NMT2: variants seen among roughly 807,000 people sequenced by gnomAD.
The protein encoded by NMT2 is glycylpeptide N-tetradecanoyltransferase 2.
NMT2 carries 35 observed loss-of-function variants against 65.4 expected under a neutral mutation model. That is an observed-to-expected ratio of 0.54 (90% CI 0.41 to 0.71). The LOEUF (loss-of-function observed/expected upper bound fraction) is 0.71. Among genes scored for constraint, NMT2 ranks in the 30% least tolerant of loss-of-function variants. The pLI is 0.00. For missense variants in NMT2, 489 were observed against 611.3 expected (o/e 0.80, Z 2.11); for synonymous variants, 226 against 231.8 (o/e 0.98, Z 0.23).
chr10:15,109,767 T>A lies in NMT2; in HGVS notation c.1411A>T (p.Ile471Leu). Residue 471 changes from isoleucine (I) to leucine (L), a missense_variant, in exon 11 of 12, where the codon ATA becomes TTA. Coordinates refer to ENST00000378165, the MANE Select transcript of NMT2 (RefSeq NM_004808.3). ...KTFLEKLKFG[I>L]GDGNLQYYLY... is the part of the protein sequence containing the mutation. ...TAATACTGCAAATTGCCATCTCCTA[T>A]ACCAAACTTGAGTTTTTCCAAGAAT... 1.9e-6 allele frequency: 3 copies of A among 1,613,794 alleles called. No homozygotes were observed. Among genetic ancestry groups the A allele is most frequent in the East Asian group, 2.2e-5 (1 of 44,832 alleles).
intron 1 of NMT2, among the ~76,000 whole-genome samples, chr10:15,159,873 C>T (rs1833128691): frequency 6.6e-6 from 1 of 152,156 alleles, no homozygotes; most frequent in Non-Finnish European, 1.5e-5. Flanking sequence ...TGAGGGTCTT[C>T]CCGAGCAGAG....
At chr10:15,134,468 C>T (rs1846401658) in intron 3 of NMT2, among the ~76,000 whole-genome samples, 1 of 152,206 alleles carries the variant, frequency 6.6e-6, no homozygotes, top group Non-Finnish European at 1.5e-5. Flanking sequence ...TCACACGTCA[C>T]TTTCTCCCAG....
intron 1 of NMT2, among the ~76,000 whole-genome samples, chr10:15,150,233 C>CCAACT (rs1444347590): frequency 6.6e-6 from 1 of 152,128 alleles, no homozygotes; most frequent in African/African-American, 2.4e-5. Context: ...GGTGTACTGG[C>CCAACT]CAAAGTTGGT....
At chr10:15,123,692 G>A (rs1845997362) in intron 8 of NMT2, among the ~76,000 whole-genome samples, 1 of 152,150 alleles carries the variant, frequency 6.6e-6, no homozygotes, top group South Asian at 2.1e-4. Context: ...TGTTTTCTGA[G>A]AGTTCAATAA....
intron 7 of NMT2, among the ~76,000 whole-genome samples, chr10:15,129,401 T>G (rs1473935935): frequency 6.6e-6 from 1 of 152,228 alleles, no homozygotes; most frequent in Non-Finnish European, 1.5e-5. Context: ...ATCTGATCAT[T>G]TTCTCACTGG....
chr10:15,125,894 T>C (rs945085679), intron 8 of NMT2, among the ~76,000 whole-genome samples: 1 of 152,070 alleles, frequency 6.6e-6, no homozygotes. Flanking sequence ...CTCGATCTCT[T>C]GACCTTGTGA....
intron 1 of NMT2, among the ~76,000 whole-genome samples, chr10:15,166,395 G>C (rs528779268): frequency 8.8e-4 from 134 of 152,286 alleles, no homozygotes; most frequent in African/African-American, 3.0e-3. Context: ...TGAAGAGGCC[G>C]AGTATAGAAA....
At chr10:15,157,687 CAA>C (rs937810668) in intron 1 of NMT2, among the ~76,000 whole-genome samples, 1 of 152,078 alleles carries the variant, frequency 6.6e-6, no homozygotes, top group Non-Finnish European at 1.5e-5. Context: ...GAACTAGAGA[CAA>C]AAGAGTTCCT....
intron 1 of NMT2, among the ~76,000 whole-genome samples, chr10:15,150,339 A>C (rs144844397): frequency 3.3e-5 from 5 of 152,364 alleles, no homozygotes; most frequent in African/African-American, 1.2e-4. Context: ...GGTTTGAAGA[A>C]GTCACACAAA....
chr10:15,136,589 C>CAG (rs1846516042), intron 2 of NMT2, among the ~76,000 whole-genome samples: 1 of 152,040 alleles, frequency 6.6e-6, no homozygotes, highest in African/African-American at 2.4e-5. Flanking sequence ...CCCTTCCTCC[C>CAG]GGCCACACCC....
intron 1 of NMT2, among the ~76,000 whole-genome samples, chr10:15,166,206 C>G (rs1239515331): frequency 6.6e-6 from 1 of 152,174 alleles, no homozygotes; most frequent in East Asian, 1.9e-4. Context: ...ATACATTATA[C>G]TGAGTGGTGG....
chr10:15,147,558 T>A (rs550839732), intron 1 of NMT2, among the ~76,000 whole-genome samples: 9 of 151,682 alleles, frequency 5.9e-5, no homozygotes, highest in East Asian at 3.9e-4. Flanking sequence ...GAAAAAAAAA[T>A]TTTTAATACA....
chr10:15,141,297 T>C (rs780282317), intron 2 of NMT2, 125 bp downstream of exon 2: 77 of 1,225,556 alleles, frequency 6.3e-5, no homozygotes, highest in Non-Finnish European at 8.4e-5. Flanking sequence ...TTCCAGTTAC[T>C]AGTGGCATTC....
At chr10:15,131,479 A>G (rs1216592781) in intron 6 of NMT2, among the ~76,000 whole-genome samples, 2 of 152,038 alleles carry the variant, frequency 1.3e-5, no homozygotes, top group Non-Finnish European at 2.9e-5. Flanking sequence ...TGTTTTTCCT[A>G]AATTATGGTA....
Position 15,168,488 on chromosome 10 carries a change from G to A in NMT2, c.110+15C>T. On this transcript the variant is annotated intron_variant, in intron 1 of 11. Coordinates refer to ENST00000378165, the MANE Select transcript of NMT2 (RefSeq NM_004808.3). ...CCGCCCTGTCGCGCCCGGTGCGCCAGCGCGCCGCCCCTACCCTTTGGCGTG... is the reference window on the plus strand; with the variant it reads ...CCGCCCTGTCGCGCCCGGTGCGCCAACGCGCCGCCCCTACCCTTTGGCGTG... 6.4e-7 allele frequency: 1 copy of A among 1,567,774 alleles called. No homozygotes were observed. Among genetic ancestry groups the A allele is most frequent in the South Asian group, 1.1e-5 (1 of 88,894 alleles).
rs759295722 is a variant in NMT2, at chr10:15,109,253, A to T, written c.1477-38T>A. ...AAGAAATGGAATAGTAAGAAAAATT[A>T]GATTGCAATGTAGTACAATAGATCT... On this transcript the variant is annotated intron_variant, in intron 11 of 11. Coordinates refer to ENST00000378165, the MANE Select transcript of NMT2 (RefSeq NM_004808.3). 4.4e-6 allele frequency: 7 copies of T among 1,603,614 alleles called. No individual in the cohort carries two copies. In the East Asian group the frequency reaches 1.3e-4, roughly 31 times the overall value.
chr10:15,143,583 A>G (rs890187048), intron 1 of NMT2, among the ~76,000 whole-genome samples: 1 of 152,228 alleles, frequency 6.6e-6, no homozygotes, highest in African/African-American at 2.4e-5. Context: ...TCAGCCAGGC[A>G]TGGTGGCTCA....
At position 15,108,418 on chromosome 10, in the gene NMT2, C is replaced by T; in HGVS notation, c.*777G>A. On this transcript the variant is annotated 3_prime_UTR_variant, in exon 12 of 12. Coordinates refer to ENST00000378165, the MANE Select transcript of NMT2 (RefSeq NM_004808.3). ...GCCAGAATGGTCTCGATCTCCTGAC[C>T]TCATGATCTGCCCACCTTGGCCTCC... 2 of 709,332 alleles carry T rather than the reference C, an allele frequency of 2.8e-6. No individual in the cohort carries two copies. Among genetic ancestry groups the T allele is most frequent in the South Asian group, 6.3e-5 (1 of 15,760 alleles). 43.9% of individuals were successfully genotyped at this position (709,332 alleles called of 1,614,324 possible). A position where few individuals can be genotyped will look rare whatever the true frequency, so the allele number is the denominator to read the frequency against.
chr10:15,162,545 A>C (rs1357279691), intron 1 of NMT2, among the ~76,000 whole-genome samples: 1 of 151,850 alleles, frequency 6.6e-6, no homozygotes, highest in Non-Finnish European at 1.5e-5. Flanking sequence ...CTGGATTACT[A>C]TCACCCCAGA....
Sources: allele counts gnomAD v4.1 joint callset (sites outside exome capture counted in the v4.1 genomes callset), GRCh38; gene constraint gnomAD v4.1.1; transcripts MANE v1.5; gene names NCBI Gene and HGNC (gene_info 2026-07-23, HGNC 2026-07-21).